ZNF670: variants seen among roughly 807,000 people sequenced by gnomAD.
The protein encoded by ZNF670 is zinc finger protein 670.
A neutral mutation model predicts 10.9 loss-of-function variants in ZNF670; 7 were observed. The ratio of observed to expected loss-of-function variants is 0.64; its 90% CI spans 0.36 to 1.20. ZNF670 has a LOEUF of 1.20. Among genes scored for constraint, ZNF670 ranks in the 50% most tolerant of loss-of-function variants. The pLI, the probability that ZNF670 is intolerant of heterozygous loss-of-function variation, is 0.02. For missense variants in ZNF670, 446 were observed against 458.6 expected, an observed-to-expected ratio of 0.97 and a Z score of 0.25; for synonymous variants, 136 against 152.7, an observed-to-expected ratio of 0.89 and a Z score of 0.81.
intron 1 of ZNF670, among the ~76,000 whole-genome samples, chr1:247,058,214 C>T (rs144722643): frequency 8.4e-4 from 128 of 152,064 alleles, no homozygotes; most frequent in African/African-American, 2.9e-3. Flanking sequence ...AACTAGAAAT[C>T]GATAACAGAA....
chr1:247,054,338 G>A (rs973304375), intron 1 of ZNF670, among the ~76,000 whole-genome samples: 1 of 152,236 alleles, frequency 6.6e-6, no homozygotes, highest in African/African-American at 2.4e-5. Context: ...ATGGCTAAGG[G>A]CTTATACCAT....
intron 1 of ZNF670, among the ~76,000 whole-genome samples, chr1:247,070,606 T>C (rs991774352): frequency 1.3e-5 from 2 of 151,924 alleles, no homozygotes; most frequent in Non-Finnish European, 2.9e-5. Context: ...CCAAAAGCAA[T>C]CGCAACAAAA....
chr1:247,072,694 G>A (rs144815620), intron 1 of ZNF670, among the ~76,000 whole-genome samples: 3,245 of 150,564 alleles, frequency 0.022, 133 homozygotes, highest in African/African-American at 0.073. Context: ...GGCTGAGGCA[G>A]GAGAATTGCT....
At chr1:247,049,091 T>A (rs1670528854) in intron 1 of ZNF670, among the ~76,000 whole-genome samples, 1 of 151,170 alleles carries the variant, frequency 6.6e-6, no homozygotes, top group Non-Finnish European at 1.5e-5. Flanking sequence ...TACCTCCTGT[T>A]TCATTTCTTT....
At chr1:247,050,764 G>A (rs553126538) in intron 1 of ZNF670, among the ~76,000 whole-genome samples, 4 of 152,032 alleles carry the variant, frequency 2.6e-5, no homozygotes, top group African/African-American at 9.6e-5. Flanking sequence ...ATGAGCCACC[G>A]TGCCCAGTGG....
chr1:247,072,804 G>GTGTATATATATATATA (rs1484895671), intron 1 of ZNF670, among the ~76,000 whole-genome samples: 6 of 47,652 alleles, frequency 1.3e-4, no homozygotes, highest in Non-Finnish European at 1.1e-4. Context: ...AAAAGTGTGT[G>GTGTATATATATATATA]TATATATATA....
rs544982965 is a variant in ZNF670, at chr1:247,056,130, A to AT, written c.4-16594_4-16593insA. ...TCTTACAGACCAAAAAAAAAAAAAA[A>AT]ATCAATAATGAAAACACTGGAATTA... is the stretch of plus-strand genomic sequence containing the variant. On this transcript the variant is annotated intron_variant, in intron 1 of 3. Coordinates refer to ENST00000366503, the MANE Select transcript of ZNF670 (RefSeq NM_033213.5). Among the ~76,000 whole-genome samples, 62 of 152,022 alleles carry AT rather than the reference A, an allele frequency of 4.1e-4. 1 individual carries two copies. The South Asian group carries it at 0.012, about 30-fold the overall frequency.
chr1:247,039,998 T>C (rs1670267234), intron 1 of ZNF670, among the ~76,000 whole-genome samples: 1 of 152,134 alleles, frequency 6.6e-6, no homozygotes, highest in African/African-American at 2.4e-5. Flanking sequence ...CCTAAGTGAG[T>C]GGTTCACAAT....
At chr1:247,067,874 C>G (rs1425028392) in intron 1 of ZNF670, among the ~76,000 whole-genome samples, 1 of 143,168 alleles carries the variant, frequency 7.0e-6, no homozygotes, top group African/African-American at 2.7e-5. Flanking sequence ...AAAGCTCCAG[C>G]ACAGCAAAGG....
intron 1 of ZNF670, among the ~76,000 whole-genome samples, chr1:247,059,166 G>A (rs1670793335): frequency 6.6e-6 from 1 of 152,160 alleles, no homozygotes; most frequent in African/African-American, 2.4e-5. Flanking sequence ...CCCAGGCTGG[G>A]CGCAGTGGCT....
chr1:247,050,864 C>A (rs907023329), intron 1 of ZNF670, among the ~76,000 whole-genome samples: 3 of 152,022 alleles, frequency 2.0e-5, no homozygotes, highest in Non-Finnish European at 2.9e-5. Flanking sequence ...ATGTAAGGTA[C>A]CCTTCTATTA....
chr1:247,073,828 A>G (rs145620008), intron 1 of ZNF670, among the ~76,000 whole-genome samples: 3 of 152,330 alleles, frequency 2.0e-5, no homozygotes, highest in African/African-American at 2.4e-5. Flanking sequence ...CCAATTGCTC[A>G]TAAGTCAGAG....
At chr1:247,061,186 T>C (rs1171645546) in intron 1 of ZNF670, among the ~76,000 whole-genome samples, 1 of 151,182 alleles carries the variant, frequency 6.6e-6, no homozygotes, top group East Asian at 1.9e-4. Context: ...AAAGTAAATT[T>C]TTTTTTTTTT....
intron 1 of ZNF670, among the ~76,000 whole-genome samples, chr1:247,063,597 A>AAG (rs1670914143): frequency 7.0e-6 from 1 of 142,566 alleles, no homozygotes; most frequent in African/African-American, 2.7e-5. Context: ...AAAAAAAAAA[A>AAG]GGAAACTGGA....
At chr1:247,040,321 CAAACA>C (rs1342361087) in intron 1 of ZNF670, among the ~76,000 whole-genome samples, 3 of 152,142 alleles carry the variant, frequency 2.0e-5, no homozygotes, top group African/African-American at 4.8e-5. Context: ...TCTTTAATAA[CAAACA>C]AAACAATTTT....
chr1:247,049,524 T>C (rs79565781), intron 1 of ZNF670, among the ~76,000 whole-genome samples: 1 of 152,230 alleles, frequency 6.6e-6, no homozygotes, highest in Non-Finnish European at 1.5e-5. Context: ...TCATTTAGTT[T>C]TGCTCTGATC....
At position 247,037,943 on chromosome 1, in the gene ZNF670, C is replaced by T. The variant is rs1335273929; in HGVS notation, c.676G>A (p.Ala226Thr). Residue 226 changes from alanine (A) to threonine (T), a missense_variant, in exon 4 of 4, where the codon GCA becomes ACA. Coordinates refer to ENST00000366503, the MANE Select transcript of ZNF670 (RefSeq NM_033213.5). ...AATGATTTACCACATTTCTTACATG[C>T]ATAGGGTTTCTCTCCAGTATGAGTT... The part of the protein sequence containing the change: ...ERTHTGEKPY[A>T]CKKCGKSFTF... 4 of 1,613,708 alleles carry T rather than the reference C, an allele frequency of 2.5e-6. No homozygotes were observed. The highest frequency in any genetic ancestry group is 3.4e-6 in the Non-Finnish European group (4 of 1,179,930).
chr1:247,044,924 C>A (rs1159645348), intron 1 of ZNF670, among the ~76,000 whole-genome samples: 1 of 151,320 alleles, frequency 6.6e-6, no homozygotes, highest in African/African-American at 2.4e-5. Context: ...ACTCATGTAA[C>A]AAATCTGCAT....
At chr1:247,039,045 CTTT>C (rs1397774934) in intron 2 of ZNF670, among the ~76,000 whole-genome samples, 175 bp from the exon 3 acceptor site, 1 of 140,428 alleles carries the variant, frequency 7.1e-6, no homozygotes, top group South Asian at 2.2e-4. Flanking sequence ...TTCTTCTTTT[CTTT>C]TTTCTTTCTT....
Sources: allele counts gnomAD v4.1 joint callset (sites outside exome capture counted in the v4.1 genomes callset), GRCh38; gene constraint gnomAD v4.1.1; transcripts MANE v1.5; gene names NCBI Gene and HGNC (gene_info 2026-07-23, HGNC 2026-07-21).